The following PTGER3 variants were observed in gnomAD, a reference collection of about 807,000 sequenced individuals.
PTGER3 encodes the protein prostaglandin E2 receptor EP3 subtype.
In PTGER3, 22 loss-of-function variants were observed where a neutral mutation model predicts 34.7. That is an observed-to-expected ratio of 0.63 (90% CI 0.45 to 0.91). The LOEUF is 0.91. Among genes scored for constraint, PTGER3 ranks in the 40% least tolerant of loss-of-function variants. PTGER3 has a pLI of 0.00. For missense variants in PTGER3, 468 were observed against 519.4 expected (o/e 0.90, Z 0.96); for synonymous variants, 241 against 230.1 (o/e 1.05, Z -0.43).
intron 4 of PTGER3, among the ~76,000 whole-genome samples, chr1:70,867,160 G>T (rs529258516): frequency 1.4e-4 from 21 of 152,306 alleles, no homozygotes; most frequent in African/African-American, 5.1e-4. Flanking sequence ...TTCCTCTTCT[G>T]CAAATTCCCT....
chr1:70,975,925 T>C (rs1653648776), intron 2 of PTGER3, among the ~76,000 whole-genome samples: 1 of 152,122 alleles, frequency 6.6e-6, no homozygotes, highest in Non-Finnish European at 1.5e-5. Context: ...CTGGTTAGGA[T>C]AAGTTCTTAC....
chr1:70,853,624 A>G (rs1232089389), intron 4 of PTGER3, among the ~76,000 whole-genome samples: 1 of 152,216 alleles, frequency 6.6e-6, no homozygotes, highest in Non-Finnish European at 1.5e-5. Flanking sequence ...TAATTTTTAG[A>G]GTTATACTGA....
At chr1:71,030,121 G>A (rs1035578836) in intron 1 of PTGER3, among the ~76,000 whole-genome samples, 19 of 152,016 alleles carry the variant, frequency 1.2e-4, no homozygotes, top group Non-Finnish European at 2.5e-4. Context: ...ATCACTGAAG[G>A]TAAGGATGCT....
chr1:70,952,355 C>T, downstream of PTGER3: 1 of 935,004 alleles, frequency 1.1e-6, no homozygotes, highest in Non-Finnish European at 1.3e-6. Flanking sequence ...TACTACATCA[C>T]ACTTCCTAGT....
chr1:70,931,240 C>T (rs995672255), intron 4 of PTGER3, among the ~76,000 whole-genome samples: 3 of 152,216 alleles, frequency 2.0e-5, no homozygotes, highest in Non-Finnish European at 4.4e-5. Context: ...TGGTCTTGGG[C>T]AGCTCTGCCC....
intron 4 of PTGER3, among the ~76,000 whole-genome samples, chr1:70,932,782 C>A (rs546520257): frequency 1.3e-5 from 2 of 152,258 alleles, no homozygotes; most frequent in African/African-American, 4.8e-5. Flanking sequence ...TATCACCTCC[C>A]TCTTTCAACT....
chr1:71,044,696 G>C (rs1205766220), intron 1 of PTGER3, among the ~76,000 whole-genome samples: 1 of 152,068 alleles, frequency 6.6e-6, no homozygotes, highest in Non-Finnish European at 1.5e-5. Flanking sequence ...TTTGGTACTA[G>C]AATTAAAGTG....
At chr1:70,936,775 T>A (rs1649272288) in intron 4 of PTGER3, among the ~76,000 whole-genome samples, 1 of 152,180 alleles carries the variant, frequency 6.6e-6, no homozygotes, top group Non-Finnish European at 1.5e-5. Flanking sequence ...ATTTGGAAGG[T>A]ATCAGGAAAG....
intron 4 of PTGER3, chr1:70,886,285 C>T (rs763927620): frequency 1.3e-5 from 6 of 451,246 alleles, no homozygotes; most frequent in Admixed American, 2.4e-5. Flanking sequence ...CACCAGACAC[C>T]GAATCTGCTG....
At chr1:70,902,067 GA>G (rs910214449) in intron 4 of PTGER3, among the ~76,000 whole-genome samples, 3 of 151,746 alleles carry the variant, frequency 2.0e-5, no homozygotes, top group Non-Finnish European at 2.9e-5. Flanking sequence ...CTCTCCACCC[GA>G]AAAAAATATA....
chr1:71,042,510 AT>A (rs1222986244), intron 1 of PTGER3, among the ~76,000 whole-genome samples: 4 of 152,036 alleles, frequency 2.6e-5, no homozygotes, highest in Non-Finnish European at 5.9e-5. Flanking sequence ...ATCATAGAAT[AT>A]TTTGTTGACC....
chr1:71,024,245 A>T lies in PTGER3; in HGVS notation c.898-11761T>A, dbSNP rs575684500. 2.6e-5 allele frequency among the ~76,000 whole-genome samples: 4 copies of T among 152,244 alleles called. No homozygotes were observed. The South Asian group carries it at 8.3e-4, about 32-fold the overall frequency. ...ACAAATGTGGATCTTTAAGTCTTAA[A>T]ACTCTCATCCTCTTTTTCTTTACTT... On this transcript the variant is annotated intron_variant, in intron 1 of 3. Coordinates refer to ENST00000306666, the MANE Select transcript of PTGER3 (RefSeq NM_198719.2).
chr1:70,873,287 G>A (rs1176848458), intron 4 of PTGER3, among the ~76,000 whole-genome samples: 1 of 152,138 alleles, frequency 6.6e-6, no homozygotes, highest in Non-Finnish European at 1.5e-5. Context: ...GTCTGAATAG[G>A]TATGGTCCAT....
intron 4 of PTGER3, among the ~76,000 whole-genome samples, chr1:70,915,228 T>C (rs1229732027): frequency 5.9e-5 from 9 of 151,948 alleles, no homozygotes; most frequent in African/African-American, 1.9e-4. Flanking sequence ...TGTCATTTTC[T>C]GTTACAATCA....
At chr1:70,885,423 T>C (rs1485488495) in intron 4 of PTGER3, among the ~76,000 whole-genome samples, 2 of 152,224 alleles carry the variant, frequency 1.3e-5, no homozygotes, top group Non-Finnish European at 2.9e-5. Context: ...GAATATAATA[T>C]ACCATTTCTG....
intron 4 of PTGER3, among the ~76,000 whole-genome samples, chr1:70,945,104 G>A (rs567952838): frequency 6.6e-6 from 1 of 152,182 alleles, no homozygotes; most frequent in East Asian, 1.9e-4. Flanking sequence ...ACCCACAGGG[G>A]CTTGATTGAC....
chr1:70,950,749 T>C (rs1650683217), downstream of PTGER3: 2 of 152,286 alleles, frequency 1.3e-5, no homozygotes, highest in South Asian at 4.1e-4. Context: ...AGTCTTGCTC[T>C]GTCGCCCAGG....
intron 4 of PTGER3, among the ~76,000 whole-genome samples, chr1:70,911,554 T>C (rs954118573): frequency 2.6e-5 from 4 of 152,070 alleles, no homozygotes. Context: ...TTAAAAGTAC[T>C]CAGAAAGTGT....
At chr1:71,009,932 T>C (rs557157414) in intron 2 of PTGER3, 799 of 985,142 alleles carry the variant, frequency 8.1e-4, no homozygotes, top group Non-Finnish European at 9.3e-4. Context: ...TGAAATCATT[T>C]GGGATTTTCA....
Sources: gnomAD v4.1 joint callset for allele counts (sites outside exome capture counted in the v4.1 genomes callset) on GRCh38, gnomAD v4.1.1 for gene constraint, MANE v1.5 for transcripts, NCBI Gene and HGNC (gene_info 2026-07-23, HGNC 2026-07-21) for gene names.